Variants in ZCCHC7 observed in about 807,000 individuals in gnomAD.
ZCCHC7 encodes zinc finger CCHC domain-containing protein 7.
Under a neutral mutation model 52.0 loss-of-function variants are expected in ZCCHC7, and 35 were observed. That is an observed-to-expected ratio of 0.67 (90% CI 0.51 to 0.89). The LOEUF (loss-of-function observed/expected upper bound fraction) is 0.89, where lower values mean the gene tolerates loss of function less well. Ranked by LOEUF, ZCCHC7 falls within the 40% of genes least tolerant of loss-of-function variation. The pLI, the probability that ZCCHC7 is intolerant of heterozygous loss-of-function variation, is 0.00. For synonymous variants in ZCCHC7, 217 were observed against 221.5 expected (o/e 0.98, Z 0.18); for missense variants, 574 against 649.1 (o/e 0.88, Z 1.26).
intron 2 of ZCCHC7, among the ~76,000 whole-genome samples, chr9:37,220,863 G>A (rs1355953020): frequency 1.3e-5 from 2 of 152,188 alleles, no homozygotes; most frequent in Non-Finnish European, 2.9e-5. Flanking sequence ...CAGTGATAAA[G>A]CTCAAAAGTA....
intron 2 of ZCCHC7, among the ~76,000 whole-genome samples, chr9:37,161,907 C>G (rs1033404102): frequency 6.6e-6 from 1 of 152,102 alleles, no homozygotes; most frequent in Non-Finnish European, 1.5e-5. Flanking sequence ...GAGGTAGAGA[C>G]GGCCAGATTA....
At chr9:37,134,532 G>A (rs991600304) in intron 2 of ZCCHC7, among the ~76,000 whole-genome samples, 1 of 152,126 alleles carries the variant, frequency 6.6e-6, no homozygotes, top group African/African-American at 2.4e-5. Flanking sequence ...TGTAAAATGT[G>A]TATAAGGTTC....
intron 2 of ZCCHC7, among the ~76,000 whole-genome samples, chr9:37,147,897 T>A (rs951701226): frequency 4.0e-5 from 6 of 151,864 alleles, no homozygotes; most frequent in Non-Finnish European, 4.4e-5. Context: ...TGAAAGGGAG[T>A]TTTTGCCTCC....
chr9:37,254,754 T>C (rs868424216), intron 2 of ZCCHC7, among the ~76,000 whole-genome samples: 1 of 151,930 alleles, frequency 6.6e-6, no homozygotes, highest in African/African-American at 2.4e-5. Flanking sequence ...TTGGATTTTT[T>C]CAAATTTTGA....
intron 2 of ZCCHC7, among the ~76,000 whole-genome samples, chr9:37,267,793 TC>T (rs1827188448): frequency 1.3e-5 from 2 of 151,970 alleles, no homozygotes; most frequent in African/African-American, 4.8e-5. Context: ...ATGGTCTCGA[TC>T]TCCTGACCTT....
intron 2 of ZCCHC7, among the ~76,000 whole-genome samples, chr9:37,239,071 G>T (rs1825772919): frequency 6.6e-6 from 1 of 152,012 alleles, no homozygotes; most frequent in Admixed American, 6.6e-5. Context: ...TAGATGAAAA[G>T]AAATTTATTA....
intron 2 of ZCCHC7, among the ~76,000 whole-genome samples, chr9:37,183,057 A>G (rs909662974): frequency 1.3e-5 from 2 of 152,268 alleles, no homozygotes; most frequent in African/African-American, 4.8e-5. Context: ...TTAGGAAGAT[A>G]GAAATAATTA....
chr9:37,326,715 T>C (rs1270538017), intron 5 of ZCCHC7, among the ~76,000 whole-genome samples: 2 of 152,046 alleles, frequency 1.3e-5, no homozygotes, highest in Non-Finnish European at 2.9e-5. Context: ...GAATTACCTT[T>C]GTTAGTCTTA....
chr9:37,144,007 G>A (rs764354224), intron 2 of ZCCHC7, among the ~76,000 whole-genome samples: 10 of 151,686 alleles, frequency 6.6e-5, no homozygotes, highest in Non-Finnish European at 1.3e-4. Flanking sequence ...GACATCTGTT[G>A]GCTTTCAGTA....
At chr9:37,270,245 T>A (rs1383961322) in intron 2 of ZCCHC7, among the ~76,000 whole-genome samples, 1 of 152,188 alleles carries the variant, frequency 6.6e-6, no homozygotes, top group Non-Finnish European at 1.5e-5. Flanking sequence ...ACATTTCTGT[T>A]GGGCAGTGCT....
At chr9:37,206,979 C>A (rs1346839006) in intron 2 of ZCCHC7, among the ~76,000 whole-genome samples, 1 of 151,246 alleles carries the variant, frequency 6.6e-6, no homozygotes, top group Non-Finnish European at 1.5e-5. Context: ...AAAAAAAAAT[C>A]GTTGGTCATG....
intron 5 of ZCCHC7, among the ~76,000 whole-genome samples, chr9:37,306,760 A>G (rs543048683): frequency 0.025 from 1,457 of 58,686 alleles, 24 homozygotes; most frequent in African/African-American, 0.076. Context: ...ACTGTACCCG[A>G]CCTTTTTTTT....
At chr9:37,192,363 T>A (rs1823061827) in intron 2 of ZCCHC7, among the ~76,000 whole-genome samples, 1 of 152,240 alleles carries the variant, frequency 6.6e-6, no homozygotes, top group African/African-American at 2.4e-5. Flanking sequence ...TTGAGCCATA[T>A]TGAATTATTT....
intron 2 of ZCCHC7, among the ~76,000 whole-genome samples, chr9:37,289,053 A>G (rs1588618824): frequency 6.6e-6 from 1 of 152,158 alleles, no homozygotes; most frequent in African/African-American, 2.4e-5. Flanking sequence ...TCTTTCCCTC[A>G]AAACATGTTC....
At chr9:37,329,141 A>C (rs1830358546) in intron 6 of ZCCHC7, among the ~76,000 whole-genome samples, 1 of 151,868 alleles carries the variant, frequency 6.6e-6, no homozygotes, top group Admixed American at 6.6e-5. Flanking sequence ...TTGTAACTGT[A>C]TAAAGTAATA....
intron 2 of ZCCHC7, among the ~76,000 whole-genome samples, chr9:37,290,174 T>C (rs1026458683): frequency 6.6e-6 from 1 of 152,246 alleles, no homozygotes; most frequent in African/African-American, 2.4e-5. Flanking sequence ...CATTGATATG[T>C]ATATCCCAAG....
At chr9:37,316,499 A>AT (rs1372934431) in intron 5 of ZCCHC7, among the ~76,000 whole-genome samples, 1 of 147,950 alleles carries the variant, frequency 6.8e-6, no homozygotes, top group Admixed American at 6.8e-5. Context: ...TGCTTTTTCT[A>AT]TTTTTAGTAC....
chr9:37,161,332 T>C (rs13286666), intron 2 of ZCCHC7, among the ~76,000 whole-genome samples: 2 of 152,112 alleles, frequency 1.3e-5, no homozygotes, highest in South Asian at 2.1e-4. Flanking sequence ...CCCAGCACTT[T>C]GGGAGGTCAA....
chr9:37,219,115 C>T (rs1351882200), intron 2 of ZCCHC7, among the ~76,000 whole-genome samples: 2 of 152,008 alleles, frequency 1.3e-5, no homozygotes, highest in Admixed American at 1.3e-4. Flanking sequence ...GAAAAATGTT[C>T]TTTAAAAATG....
Sources: gnomAD v4.1 joint callset for allele counts (sites outside exome capture counted in the v4.1 genomes callset) on GRCh38, gnomAD v4.1.1 for gene constraint, MANE v1.5 for transcripts, NCBI Gene and HGNC (gene_info 2026-07-23, HGNC 2026-07-21) for gene names.